Variants in WDR20 observed in about 807,000 individuals in gnomAD.
WDR20 encodes the protein WD repeat domain 20, also known as WD repeat-containing protein 20.
WDR20 carries 3 observed loss-of-function variants against 38.7 expected under a neutral mutation model. The ratio of observed to expected loss-of-function variants is 0.08; its 90% CI spans 0.04 to 0.20. WDR20 has a LOEUF of 0.20. WDR20 is among the 10% of genes least tolerant of loss of function. WDR20 has a pLI of 1.00. For synonymous variants in WDR20, 298 were observed against 285.6 expected, an observed-to-expected ratio of 1.04 and a Z score of -0.44; for missense variants, 559 against 727.7, an observed-to-expected ratio of 0.77 and a Z score of 2.67.
intron 1 of WDR20, among the ~76,000 whole-genome samples, chr14:102,168,592 T>C (rs2060217847): frequency 6.6e-6 from 1 of 152,124 alleles, no homozygotes. Context: ...GAGCATTGCT[T>C]TTTTTTGATG....
At position 102,208,091 on chromosome 14, in the gene WDR20, A is replaced by G. The variant is rs2061887270; in HGVS notation, c.433-512A>G. 6.6e-6 allele frequency among the ~76,000 whole-genome samples: 1 copy of G among 152,176 alleles called. No individual in the cohort carries two copies. The highest frequency in any genetic ancestry group is 2.1e-4 in the South Asian group (1 of 4,826). ...TCACTCCCCACCTTCGAGCCGCCAG[A>G]GCAGAGGGGCAGATGGAACCAGCCC... On this transcript the variant is annotated intron_variant, in intron 2 of 2. Transcript: ENST00000342702. The surrounding 1 kb of genome is among the most constrained non-coding windows in gnomAD (Gnocchi z 5.6).
intron 1 of WDR20, among the ~76,000 whole-genome samples, chr14:102,154,826 T>C (rs1228322836): frequency 6.6e-6 from 1 of 152,236 alleles, no homozygotes; most frequent in Non-Finnish European, 1.5e-5. Context: ...AGCATTTACA[T>C]AGAGCACTTT....
chr14:102,210,869 C>G (rs927827590), downstream of WDR20, among the ~76,000 whole-genome samples: 1 of 152,158 alleles, frequency 6.6e-6, no homozygotes, highest in Non-Finnish European at 1.5e-5. Flanking sequence ...TGGGCTTCGT[C>G]CCCCGCAGAG....
downstream of WDR20, chr14:102,215,076 T>C: frequency 1.2e-6 from 1 of 835,096 alleles, no homozygotes; most frequent in Non-Finnish European, 1.4e-6. Flanking sequence ...ACCAGAAAAG[T>C]TTTTAAATGC....
chr14:102,143,043 G>A (rs1483287641), intron 1 of WDR20, among the ~76,000 whole-genome samples: 1 of 152,020 alleles, frequency 6.6e-6, no homozygotes, highest in Non-Finnish European at 1.5e-5. Context: ...CTTTTAAAAG[G>A]TTTACAGGTC....
intron 1 of WDR20, among the ~76,000 whole-genome samples, chr14:102,150,454 C>T (rs1033811842): frequency 5.9e-5 from 9 of 152,130 alleles, no homozygotes; most frequent in African/African-American, 2.2e-4. Context: ...GCCTCAGCGA[C>T]AGAATGAGAC....
At chr14:102,150,252 G>A (rs952321441) in intron 1 of WDR20, among the ~76,000 whole-genome samples, 5 of 152,106 alleles carry the variant, frequency 3.3e-5, no homozygotes, top group Admixed American at 3.3e-4. Context: ...GAGGTGGGAG[G>A]ATTTCTTGAG....
In WDR20 at chr14:102,194,929, C is replaced by T. The variant is rs749637349; in HGVS notation, c.250-9C>T. 4 of 1,611,668 alleles carry T rather than the reference C, an allele frequency of 2.5e-6. No individual in the cohort carries two copies. Among genetic ancestry groups the T allele is most frequent in the Middle Eastern group, 1.7e-4 (1 of 6,052 alleles). On this transcript the variant is annotated splice_polypyrimidine_tract_variant and intron_variant, in intron 1 of 2. Coordinates refer to ENST00000342702, the MANE Select transcript of WDR20 (RefSeq NM_144574.4). ...GTTTACTGTATGTATTTTTCTCTTT[C>T]TCCTCCAGGCTGCTGACTTGAGTAA...
At chr14:102,214,492 A>G (rs570252969), downstream of WDR20, 5 of 985,450 alleles carry the variant, frequency 5.1e-6, no homozygotes, top group Admixed American at 6.1e-5. Flanking sequence ...AGACTGTCTC[A>G]CTGATGTTGA....
At chr14:102,146,159 T>C (rs1219073371) in intron 1 of WDR20, among the ~76,000 whole-genome samples, 1 of 151,984 alleles carries the variant, frequency 6.6e-6, no homozygotes, top group East Asian at 1.9e-4. Flanking sequence ...TTTTTTTGTT[T>C]GTTTGTTTGT....
chr14:102,203,257 A>C (rs1006932073), intron 2 of WDR20, among the ~76,000 whole-genome samples: 1 of 152,256 alleles, frequency 6.6e-6, no homozygotes, highest in African/African-American at 2.4e-5. Context: ...ACCACATTAA[A>C]ATAGTAAAAA....
chr14:102,212,590 C>T, downstream of WDR20: 3 of 1,535,754 alleles, frequency 2.0e-6, no homozygotes, highest in Non-Finnish European at 2.6e-6. Flanking sequence ...TAAAAGTGCC[C>T]AACAGCTTGA....
chr14:102,224,283 G>A (rs1041356111), downstream of WDR20, among the ~76,000 whole-genome samples: 7 of 151,664 alleles, frequency 4.6e-5, no homozygotes, highest in African/African-American at 1.5e-4. Flanking sequence ...CTCGTGATCC[G>A]CCTGCCTTGG....
In WDR20 at chr14:102,209,283, C is replaced by T. The variant is rs778281853; in HGVS notation, c.1113C>T (p.Ser371=). 2.0e-5 allele frequency: 33 copies of T among 1,614,036 alleles called. 1 individual carries two copies. In the South Asian group the frequency reaches 2.6e-4, roughly 13 times the overall value. ...TAAGTGTCACGTATCGGTTTGGTTC[C>T]GTGGGCCAGGACACACAGCTCTGTT... ...RPVSVTYRFG[S]VGQDTQLCLW... is the part of the protein sequence containing the mutation. Residue 371 remains serine, a synonymous_variant, in exon 3 of 3, where the codon TCC becomes TCT. Coordinates refer to ENST00000342702, the MANE Select transcript of WDR20 (RefSeq NM_144574.4). The surrounding 1 kb of genome is among the most constrained non-coding windows in gnomAD (Gnocchi z 6.0).
chr14:102,214,664 ATT>A (rs879376635), downstream of WDR20: 28 of 983,998 alleles, frequency 2.8e-5, no homozygotes, highest in Middle Eastern at 5.2e-4. Flanking sequence ...TTGTATGGAT[ATT>A]TTGAGTGAAA....
chr14:102,170,926 C>T (rs2060674250), intron 1 of WDR20, among the ~76,000 whole-genome samples: 1 of 150,822 alleles, frequency 6.6e-6, no homozygotes, highest in African/African-American at 2.4e-5. Flanking sequence ...TATTTTTCTT[C>T]TTCCTCCTCC....
At chr14:102,177,157 A>G (rs2062326029) in intron 1 of WDR20, among the ~76,000 whole-genome samples, 1 of 152,194 alleles carries the variant, frequency 6.6e-6, no homozygotes, top group Admixed American at 6.5e-5. Context: ...TCTCTCTATC[A>G]TCATTTCTCC....
At chr14:102,193,424 G>C in intron 1 of WDR20, 7 of 1,597,082 alleles carry the variant, frequency 4.4e-6, no homozygotes, top group Non-Finnish European at 6.0e-6. Context: ...CACTTTTCAA[G>C]GCTCTTTCAT....
At chr14:102,139,842 G>A, upstream of WDR20, 2 of 1,559,418 alleles carry the variant, frequency 1.3e-6, no homozygotes, top group Non-Finnish European at 1.7e-6. Flanking sequence ...CAGGGGGTGG[G>A]GGAAGAGGGA....
Sources: gnomAD v4.1 joint callset for allele counts (sites outside exome capture counted in the v4.1 genomes callset) on GRCh38, gnomAD v4.1.1 for gene constraint, Gnocchi (gnomAD v3.1) non-coding constraint, MANE v1.5 for transcripts, NCBI Gene and HGNC (gene_info 2026-07-23, HGNC 2026-07-21) for gene names.